The following CAST variants were observed in gnomAD, a reference collection of about 807,000 sequenced individuals.
CAST encodes the protein calpastatin.
A neutral mutation model predicts 119.6 loss-of-function variants in CAST; 76 were observed. The observed-to-expected ratio is 0.64, with a 90% confidence interval of 0.53 to 0.77. CAST has a LOEUF of 0.77. CAST is among the 30% of genes least tolerant of loss of function. The pLI, the probability that CAST is intolerant of heterozygous loss-of-function variation, is 0.00. For synonymous variants in CAST, 319 were observed against 331.6 expected (o/e 0.96, Z 0.41); for missense variants, 953 against 946.5 (o/e 1.01, Z -0.09).
chr5:96,541,587 A>C lies in CAST; in HGVS notation c.60+11707A>C, dbSNP rs144339972. 7.9e-5 allele frequency among the ~76,000 whole-genome samples: 12 copies of C among 152,314 alleles called. 2 individuals are homozygous for C. The highest frequency in any genetic ancestry group is 2.9e-4 in the African/African-American group (12 of 41,564). ...TTATAGTATTATACAGAACAGTTTC[A>C]CTGCCCCAAAAATCCACTGTGTTTC... On this transcript the variant is annotated intron_variant, in intron 1 of 11. Coordinates refer to the CAST transcript ENST00000505143.
At chr5:96,663,792 A>C (rs768114990) in intron 1 of CAST, among the ~76,000 whole-genome samples, 34 of 152,192 alleles carry the variant, frequency 2.2e-4, no homozygotes, top group Non-Finnish European at 2.8e-4. Flanking sequence ...GCTTCTCTGC[A>C]CTTTATTACT....
intron 1 of CAST, among the ~76,000 whole-genome samples, chr5:96,653,975 C>T (rs907383508): frequency 4.6e-5 from 7 of 150,996 alleles, no homozygotes; most frequent in Non-Finnish European, 1.0e-4. Context: ...TCCCCTCTCT[C>T]TTTTCTCTTC....
the CAST span, among the ~76,000 whole-genome samples, chr5:96,070,488 A>G: frequency 2.6e-5 from 4 of 152,164 alleles, no homozygotes; most frequent in African/African-American, 7.2e-5. Context: ...CACGTTCACA[A>G]GATGCTGGGT....
At chr5:96,349,084 TA>T in the CAST span, among the ~76,000 whole-genome samples, 1 of 150,176 alleles carries the variant, frequency 6.7e-6, no homozygotes, top group Non-Finnish European at 1.5e-5. Context: ...AAATATTCTA[TA>T]ATTTTTTTTT....
the CAST span, among the ~76,000 whole-genome samples, chr5:96,102,178 G>A: frequency 6.6e-6 from 1 of 152,172 alleles, no homozygotes; most frequent in African/African-American, 2.4e-5. Context: ...TGGGTCCTGA[G>A]CTCTTGTCTG....
the CAST span, among the ~76,000 whole-genome samples, chr5:96,352,836 T>C: frequency 6.6e-6 from 1 of 152,146 alleles, no homozygotes; most frequent in Non-Finnish European, 1.5e-5. Flanking sequence ...TCATGAGACC[T>C]GATGATTTAA....
the CAST span, among the ~76,000 whole-genome samples, chr5:96,278,093 G>A: frequency 1.3e-5 from 2 of 151,914 alleles, no homozygotes; most frequent in African/African-American, 4.8e-5. Context: ...AGCAGAGTCT[G>A]AGAGTGGGAT....
the CAST span, among the ~76,000 whole-genome samples, chr5:96,229,780 G>A: frequency 4.6e-5 from 7 of 152,080 alleles, no homozygotes; most frequent in Non-Finnish European, 8.8e-5. Flanking sequence ...TATAAGAAAT[G>A]TGAAGAGGAA....
chr5:96,529,429 A>C (rs1258644823), upstream of CAST, among the ~76,000 whole-genome samples: 1 of 150,340 alleles, frequency 6.7e-6, no homozygotes, highest in Non-Finnish European at 1.5e-5. Context: ...AGTATAATTG[A>C]TAGATAAAAA....
chr5:96,295,831 G>A, the CAST span, among the ~76,000 whole-genome samples: 1 of 152,118 alleles, frequency 6.6e-6, no homozygotes, highest in Non-Finnish European at 1.5e-5. Flanking sequence ...GAAATGGTAT[G>A]AGCAGTAAGA....
chr5:95,986,788 C>A, the CAST span, among the ~76,000 whole-genome samples: 1 of 152,154 alleles, frequency 6.6e-6, no homozygotes, highest in East Asian at 1.9e-4. Context: ...AGCTGAGTAG[C>A]CTCAGTAATC....
the CAST span, among the ~76,000 whole-genome samples, chr5:96,299,221 G>A: frequency 6.6e-6 from 1 of 151,550 alleles, no homozygotes; most frequent in South Asian, 2.1e-4. Flanking sequence ...CTCCAGCCTG[G>A]GCAACAAGAG....
the CAST span, among the ~76,000 whole-genome samples, chr5:96,244,704 C>T: frequency 6.6e-6 from 1 of 152,162 alleles, no homozygotes; most frequent in Admixed American, 6.5e-5. Flanking sequence ...CACTACAAAG[C>T]CTGCACTTTT....
chr5:96,163,767 C>T, the CAST span, among the ~76,000 whole-genome samples: 1 of 152,138 alleles, frequency 6.6e-6, no homozygotes, highest in African/African-American at 2.4e-5. Flanking sequence ...GTGTAAGTTA[C>T]TTAATTTTCC....
chr5:96,354,648 A>C, the CAST span, among the ~76,000 whole-genome samples: 1 of 150,386 alleles, frequency 6.6e-6, no homozygotes, highest in Admixed American at 6.7e-5. Context: ...ATATTTACAC[A>C]TGCTTATGTA....
At chr5:96,502,030 A>G in the CAST span, among the ~76,000 whole-genome samples, 1 of 152,234 alleles carries the variant, frequency 6.6e-6, no homozygotes, top group Non-Finnish European at 1.5e-5. Context: ...TTAAGTACAC[A>G]GGACTTTATT....
At chr5:96,383,981 G>A in the CAST span, among the ~76,000 whole-genome samples, 10 of 152,154 alleles carry the variant, frequency 6.6e-5, no homozygotes, top group Non-Finnish European at 8.8e-5. Context: ...GTAGGAGGCC[G>A]ACCTGAGTTT....
At chr5:96,051,948 A>AT in the CAST span, among the ~76,000 whole-genome samples, 26 of 152,124 alleles carry the variant, frequency 1.7e-4, no homozygotes, top group Admixed American at 1.5e-3. Context: ...GTACAATACC[A>AT]TTTTTTTAAC....
At chr5:96,597,976 G>A (rs1334838152) in intron 1 of CAST, among the ~76,000 whole-genome samples, 1 of 152,084 alleles carries the variant, frequency 6.6e-6, no homozygotes, top group African/African-American at 2.4e-5. Flanking sequence ...TAGGGGGCTG[G>A]CAGTAGTGAA....
Sources: gnomAD v4.1 joint callset for allele counts (sites outside exome capture counted in the v4.1 genomes callset) on GRCh38, gnomAD v4.1.1 for gene constraint, MANE v1.5 for transcripts, NCBI Gene and HGNC (gene_info 2026-07-23, HGNC 2026-07-21) for gene names.